ZNF605: variants seen among roughly 807,000 people sequenced by gnomAD.
ZNF605 encodes zinc finger protein 605.
ZNF605 carries 9 observed loss-of-function variants against 7.9 expected under a neutral mutation model. The observed-to-expected ratio is 1.14, with a 90% CI of 0.68 to 1.98. The LOEUF is 1.98. Ranked by LOEUF, ZNF605 falls within the 30% of genes most tolerant of loss-of-function variation. The pLI is 0.00. For synonymous variants in ZNF605, 255 were observed against 260.1 expected, an observed-to-expected ratio of 0.98 and a Z score of 0.19; for missense variants, 673 against 762.4, an observed-to-expected ratio of 0.88 and a Z score of 1.38.
At chr12:132,937,044 T>C (rs1952373755) in intron 3 of ZNF605, among the ~76,000 whole-genome samples, 1 of 152,128 alleles carries the variant, frequency 6.6e-6, no homozygotes, top group Non-Finnish European at 1.5e-5. Context: ...ACAAGATATC[T>C]TGACATTTCA....
At position 132,941,317 on chromosome 12, in the gene ZNF605, G is replaced by T. The variant is rs1026119860; in HGVS notation, c.15+4304C>A. Among the ~76,000 whole-genome samples, 4 of 152,142 alleles carry T rather than the reference G, an allele frequency of 2.6e-5. No homozygotes were observed. Among genetic ancestry groups the T allele is most frequent in the African/African-American group, 9.7e-5 (4 of 41,438 alleles). On this transcript the variant is annotated intron_variant, in intron 3 of 4. Coordinates refer to ENST00000360187, the MANE Select transcript of ZNF605 (RefSeq NM_183238.4). The surrounding 1 kb of genome is among the most constrained non-coding windows in gnomAD (Gnocchi z 5.1). Reference sequence around the variant, plus strand: ...CAGCTGTCCTGCTTTCCAGACTCTGGTCAAGGCTAGCAGCGCCCAAAGGTA... The same window carrying T: ...CAGCTGTCCTGCTTTCCAGACTCTGTTCAAGGCTAGCAGCGCCCAAAGGTA...
rs962579700 is a variant in ZNF605, at chr12:132,925,969, T to C, written c.1330A>G (p.Thr444Ala). The C allele has an allele frequency of 1.2e-6, 2 of 1,614,200 alleles. No homozygotes were observed. Among genetic ancestry groups the C allele is most frequent in the Non-Finnish European group, 1.7e-6 (2 of 1,180,026 alleles). ...CTGCATTCATAAGGCTTCTCCCCAG[T>C]GTGTGTTCTGTGATGCGTTAGGAGC... ...SQLLTHHRTH[T>A]GEKPYECSEC... is the part of the protein sequence containing the mutation. The change falls in exon 5 of 5, where the codon ACT (threonine) becomes GCT (alanine). Residue 444 changes from threonine to alanine, a missense_variant. By Grantham distance (58) the Thr-to-Ala change is moderately conservative. Coordinates refer to ENST00000360187, the MANE Select transcript of ZNF605 (RefSeq NM_183238.4).
At chr12:132,948,721 T>C (rs1227661486) in intron 1 of ZNF605, 2 of 152,284 alleles carry the variant, frequency 1.3e-5, no homozygotes, top group African/African-American at 4.8e-5. Context: ...GGCCGGGTTT[T>C]GCCTCAGGGC....
chr12:132,925,806 G>A lies in ZNF605; in HGVS notation c.1493C>T (p.Thr498Ile). Reference protein sequence around the residue: ...EKSSLIHHQRTHTGEKPFECS... With the variant: ...EKSSLIHHQRIHTGEKPFECS... Reference sequence around the variant, plus strand: ...TTCAAAGGGCTTTTCTCCAGTATGGGTTCTCTGATGATGAATGAGACTTGA... The same window carrying A: ...TTCAAAGGGCTTTTCTCCAGTATGGATTCTCTGATGATGAATGAGACTTGA... Residue 498 changes from threonine (T) to isoleucine (I), a missense_variant, in exon 5 of 5, where the codon ACC becomes ATC. Physicochemically the swap from Thr to Ile is moderately conservative, Grantham distance 89. Transcript: ENST00000360187. The A allele has an allele frequency of 5.6e-6, 9 of 1,614,088 alleles. No individual in the cohort carries two copies. Among genetic ancestry groups the A allele is most frequent in the Non-Finnish European group, 6.8e-6 (8 of 1,180,008 alleles).
At chr12:132,951,049 G>C (rs370487601) in intron 1 of ZNF605, among the ~76,000 whole-genome samples, 4 of 150,610 alleles carry the variant, frequency 2.7e-5, no homozygotes, top group Non-Finnish European at 2.9e-5. Flanking sequence ...TGTACACACA[G>C]ATACATCATA....
chr12:132,950,898 GCA>G (rs1379152790), intron 1 of ZNF605, among the ~76,000 whole-genome samples: 1 of 149,840 alleles, frequency 6.7e-6, no homozygotes, highest in Admixed American at 6.7e-5. Flanking sequence ...ACTCACAGAC[GCA>G]CACACATACT....
rs1213065168 is a variant in ZNF605, at chr12:132,952,293, T to C, written c.-286+3950A>G. ...TGGCCAACATGGTGAAACCCCATCT[T>C]TACTAAAAATACAAAAAATTAGCCG... On this transcript the variant is annotated intron_variant, in intron 1 of 4. Coordinates refer to ENST00000360187, the MANE Select transcript of ZNF605 (RefSeq NM_183238.4). Among the ~76,000 whole-genome samples, 6 of 151,282 alleles carry C rather than the reference T, an allele frequency of 4.0e-5. No homozygotes were observed. The East Asian group carries it at 1.2e-3, about 30-fold the overall frequency.
In ZNF605 at chr12:132,926,610, C is replaced by T; in HGVS notation, c.689G>A (p.Cys230Tyr). Residue 230 changes from cysteine (C) to tyrosine (Y), a missense_variant, in exon 5 of 5, where the codon TGT becomes TAT. By Grantham distance (194) the Cys-to-Tyr change is radical. Coordinates refer to ENST00000360187, the MANE Select transcript of ZNF605 (RefSeq NM_183238.4). Reference protein sequence around the residue: ...SGEKPHGCSECQKAFSRKSLL... With the variant: ...SGEKPHGCSEYQKAFSRKSLL... The stretch of plus-strand genomic sequence containing the variant: ...TGACTTCCTACTAAAAGCTTTCTGA[C>T]ATTCGCTGCACCCATGCGGTTTTTC... 2.5e-6 allele frequency: 4 copies of T among 1,614,216 alleles called. No individual in the cohort carries two copies. The highest frequency in any genetic ancestry group is 3.4e-6 in the Non-Finnish European group (4 of 1,180,032).
At chr12:132,927,216 T>A in intron 4 of ZNF605, 54 bp from the exon 5 acceptor site, 8 of 1,302,204 alleles carry the variant, frequency 6.1e-6, no homozygotes, top group Non-Finnish European at 8.2e-6. Flanking sequence ...TTATTATGCT[T>A]ATTGCATAAA....
intron 3 of ZNF605, among the ~76,000 whole-genome samples, chr12:132,937,134 G>A (rs1047300101): frequency 8.5e-5 from 13 of 152,166 alleles, no homozygotes; most frequent in South Asian, 8.3e-4. Context: ...CGAGGCAGGC[G>A]GATCACCTGA....
chr12:132,944,283 C>A (rs905754932), intron 3 of ZNF605, among the ~76,000 whole-genome samples: 5 of 151,686 alleles, frequency 3.3e-5, no homozygotes, highest in Non-Finnish European at 7.4e-5. Flanking sequence ...AGTGGTGCCA[C>A]TCCTGGCGTA....
intron 3 of ZNF605, among the ~76,000 whole-genome samples, chr12:132,936,727 G>A (rs994401288): frequency 3.0e-4 from 45 of 152,124 alleles, no homozygotes; most frequent in Admixed American, 2.4e-3. Context: ...AACTCAAAAT[G>A]GATCACAGAC....
chr12:132,949,969 T>C (rs1468730671), intron 1 of ZNF605, among the ~76,000 whole-genome samples: 1 of 151,966 alleles, frequency 6.6e-6, no homozygotes, highest in Non-Finnish European at 1.5e-5. Flanking sequence ...AAAAACATCC[T>C]GGAAGAGCCC....
rs1470346133 is a variant in ZNF605 at position 132,941,768 on chromosome 12, G to A, written c.15+3853C>T. On this transcript the variant is annotated intron_variant, in intron 3 of 4. Coordinates refer to ENST00000360187, the MANE Select transcript of ZNF605 (RefSeq NM_183238.4). This position sits in a 1 kb window ranked among gnomAD's most constrained non-coding sequence, Gnocchi z 5.1. ...CCTCCGTCACGCGTCCCTCTTCTCC[G>A]GGCTGCCCTCCGTCACGCGCCCTTT... 2.0e-5 allele frequency among the ~76,000 whole-genome samples: 3 copies of A among 150,288 alleles called. No individual in the cohort carries two copies. The highest frequency in any genetic ancestry group is 4.9e-5 in the African/African-American group (2 of 40,772).
rs1952187425 is a variant in ZNF605 at position 132,919,812 on chromosome 12, AGGTATCACTAAAT to A, written c.*5548_*5560del. 1 of 152,110 alleles carries A rather than the reference AGGTATCACTAAAT, an allele frequency of 6.6e-6. No homozygotes were observed. Among genetic ancestry groups the A allele is most frequent in the Admixed American group, 6.6e-5 (1 of 15,266 alleles). The allele number at this position is 152,110 out of a possible 1,614,324, so 9.4% of individuals were successfully genotyped here. Reference sequence around the variant, plus strand: ...TTTTGCTGTGCACATTTCGAGATTTAGGTATCACTAAATAAGTTTGGTGTTCCCTGTTTTTTTG... The same window carrying A: ...TTTTGCTGTGCACATTTCGAGATTTAAAGTTTGGTGTTCCCTGTTTTTTTG... On this transcript the variant is annotated 3_prime_UTR_variant, in exon 5 of 5. Coordinates refer to ENST00000360187, the MANE Select transcript of ZNF605 (RefSeq NM_183238.4).
chr12:132,946,917 C>T (rs1165491096), intron 2 of ZNF605, among the ~76,000 whole-genome samples: 1 of 152,212 alleles, frequency 6.6e-6, no homozygotes, highest in Non-Finnish European at 1.5e-5. Flanking sequence ...AATGTGTGCT[C>T]ACAGGCCTGG....
intron 4 of ZNF605, among the ~76,000 whole-genome samples, chr12:132,929,646 T>C (rs1470264407): frequency 6.6e-6 from 1 of 151,940 alleles, no homozygotes; most frequent in East Asian, 1.9e-4. Flanking sequence ...CAAGATGAGA[T>C]TAAAAATATG....
At position 132,933,606 on chromosome 12, in the gene ZNF605, T is replaced by C. The variant is rs1415107074; in HGVS notation, c.16-451A>G. Among the ~76,000 whole-genome samples the C allele has an allele frequency of 2.6e-5, 4 of 152,328 alleles. No homozygotes were observed. The highest frequency in any genetic ancestry group is 5.9e-5 in the Non-Finnish European group (4 of 68,016). On this transcript the variant is annotated intron_variant, in intron 3 of 4. Coordinates refer to ENST00000360187, the MANE Select transcript of ZNF605 (RefSeq NM_183238.4). The surrounding 1 kb of genome is among the most constrained non-coding windows in gnomAD (Gnocchi z 4.4). ...CCTCAACCAGAACCAACTGGGCAAG[T>C]ACCTGGCAGATTCCAAAACCCAGAA...
chr12:132,925,276 T>G lies in ZNF605; in HGVS notation c.*97A>C. ...CAATTCAAGCTTTTTCAACAGTCAC[T>G]GCCTCAATAGGGTTTCTCTCCCACA... is the stretch of plus-strand genomic sequence containing the variant. On this transcript the variant is annotated 3_prime_UTR_variant, in exon 5 of 5. Transcript: ENST00000360187. The G allele has an allele frequency of 1.2e-6, 1 of 863,246 alleles. No individual in the cohort carries two copies. Among genetic ancestry groups the G allele is most frequent in the Non-Finnish European group, 1.7e-6 (1 of 575,078 alleles). 53.5% of individuals were successfully genotyped at this position (863,246 alleles called of 1,614,324 possible). A position where few individuals can be genotyped will look rare whatever the true frequency, so the allele number is the denominator to read the frequency against.
Sources: gnomAD v4.1 joint callset for allele counts (sites outside exome capture counted in the v4.1 genomes callset) on GRCh38, gnomAD v4.1.1 for gene constraint, Gnocchi (gnomAD v3.1) non-coding constraint, MANE v1.5 for transcripts, NCBI Gene and HGNC (gene_info 2026-07-23, HGNC 2026-07-21) for gene names.